Variants in CRLS1 observed in about 807,000 individuals in gnomAD.
CRLS1 encodes cardiolipin synthase 1.
A neutral mutation model predicts 37.0 loss-of-function variants in CRLS1; 24 were observed. The observed-to-expected ratio is 0.65, with a 90% CI of 0.47 to 0.91. The LOEUF (loss-of-function observed/expected upper bound fraction) is 0.91. Among genes scored for constraint, CRLS1 ranks in the 40% least tolerant of loss-of-function variants. The probability of loss-of-function intolerance (pLI) is 0.00; values close to 1 mark genes in which losing one functional copy is unlikely to be tolerated. For missense variants in CRLS1, 373 were observed against 395.8 expected (o/e 0.94, Z 0.49); for synonymous variants, 135 against 159.7 (o/e 0.85, Z 1.17).
intron 3 of CRLS1, among the ~76,000 whole-genome samples, chr20:6,021,007 C>T (rs1979231574): frequency 6.6e-6 from 1 of 150,902 alleles, no homozygotes; most frequent in Non-Finnish European, 1.5e-5. Flanking sequence ...GTTAGAGTTT[C>T]CTACTGTATG....
intron 1 of CRLS1, 177 bp downstream of exon 1, chr20:6,006,729 G>C (rs1255593460): frequency 1.0e-6 from 1 of 985,216 alleles, no homozygotes; most frequent in Non-Finnish European, 1.2e-6. Context: ...AGGGTCACCA[G>C]CGGGGTCCAC....
At chr20:6,017,429 G>A (rs1179798447) in intron 3 of CRLS1, among the ~76,000 whole-genome samples, 2 of 152,136 alleles carry the variant, frequency 1.3e-5, no homozygotes, top group African/African-American at 4.8e-5. Flanking sequence ...ATTTTCTAAT[G>A]CTTATATGGC....
In CRLS1 at chr20:6,039,661, A is replaced by AAAT. The variant is rs377738837; in HGVS notation, c.*2505_*2507dup. ...GTACTGTACATGTGACCTTATTTGGAAATAGGGTCTTTTTAGATGCAGTCA... is the reference window on the plus strand; with the variant it reads ...GTACTGTACATGTGACCTTATTTGGAAATAATAGGGTCTTTTTAGATGCAGTCA... On this transcript the variant is annotated 3_prime_UTR_variant, in exon 7 of 7. Coordinates refer to ENST00000378863, the MANE Select transcript of CRLS1 (RefSeq NM_019095.6). 2.4e-4 allele frequency: 37 copies of AAAT among 152,186 alleles called. No individual in the cohort carries two copies. The highest frequency in any genetic ancestry group is 8.4e-4 in the African/African-American group (35 of 41,520). 9.4% of individuals were successfully genotyped at this position (152,186 alleles called of 1,614,324 possible).
chr20:6,027,082 ATTTT>A (rs11361547), intron 3 of CRLS1, among the ~76,000 whole-genome samples: 23 of 128,464 alleles, frequency 1.8e-4, no homozygotes, highest in African/African-American at 6.3e-4. Context: ...TGGAAATTGA[ATTTT>A]TTTTTTTTTT....
intron 3 of CRLS1, among the ~76,000 whole-genome samples, chr20:6,020,197 A>G (rs1600368976): frequency 6.6e-6 from 1 of 152,174 alleles, no homozygotes; most frequent in Non-Finnish European, 1.5e-5. Context: ...TGAGCAGTGC[A>G]GCTATAAGTG....
chr20:6,035,262 A>G (rs1376351336), intron 6 of CRLS1, among the ~76,000 whole-genome samples: 1 of 152,178 alleles, frequency 6.6e-6, no homozygotes, highest in African/African-American at 2.4e-5. Context: ...TTAAGTGTAC[A>G]TTTATCCCAG....
chr20:6,036,385 G>A (rs867273226), intron 6 of CRLS1, among the ~76,000 whole-genome samples: 25 of 152,200 alleles, frequency 1.6e-4, no homozygotes, highest in African/African-American at 6.0e-4. Context: ...GCAGAAGTGC[G>A]TGGGCGCACT....
chr20:6,026,670 A>G (rs1385044180), intron 3 of CRLS1, among the ~76,000 whole-genome samples: 1 of 152,136 alleles, frequency 6.6e-6, no homozygotes, highest in Non-Finnish European at 1.5e-5. Context: ...TGAAAAGTTC[A>G]TTGGGAGCTC....
intron 1 of CRLS1, among the ~76,000 whole-genome samples, chr20:6,009,549 G>A (rs1169936657): frequency 6.6e-6 from 1 of 152,140 alleles, no homozygotes; most frequent in Non-Finnish European, 1.5e-5. Flanking sequence ...TTATAGGCGT[G>A]AGCCATCATG....
intron 1 of CRLS1, among the ~76,000 whole-genome samples, chr20:6,008,245 G>T (rs2090086178): frequency 6.6e-6 from 1 of 152,058 alleles, no homozygotes; most frequent in African/African-American, 2.4e-5. Context: ...TAAGAAAGAG[G>T]TTAAAAGGGG....
rs1015748962 is a variant in CRLS1 at position 6,014,613 on chromosome 20, C to T, written c.445-748C>T. ...TTTTGTGGCCCCAGAGTGGCCAGAC[C>T]GCTCCCTTCTCAAGTTAGGATGGAG... On this transcript the variant is annotated intron_variant, in intron 2 of 6. Transcript: ENST00000378863. 2.0e-5 allele frequency among the ~76,000 whole-genome samples: 3 copies of T among 152,074 alleles called. No homozygotes were observed. The South Asian group carries it at 6.2e-4, about 32-fold the overall frequency.
chr20:6,035,008 T>A (rs1192001722), intron 6 of CRLS1, among the ~76,000 whole-genome samples: 1 of 152,204 alleles, frequency 6.6e-6, no homozygotes. Flanking sequence ...GAGAGGAGTT[T>A]GAATTTTATT....
At chr20:6,021,702 A>G (rs17221851) in intron 3 of CRLS1, among the ~76,000 whole-genome samples, 15,599 of 152,184 alleles carry the variant, frequency 0.1, 964 homozygotes, top group Non-Finnish European at 0.14. Context: ...TAACCCATTA[A>G]TATTTATTGT....
At position 6,037,223 on chromosome 20, in the gene CRLS1, A is replaced by G; in HGVS notation, c.*65A>G. 1 of 1,202,024 alleles carries G rather than the reference A, an allele frequency of 8.3e-7. No individual in the cohort carries two copies. Among genetic ancestry groups the G allele is most frequent in the Non-Finnish European group, 1.2e-6 (1 of 828,240 alleles). The allele number at this position is 1,202,024 out of a possible 1,614,324, so 74.5% of individuals were successfully genotyped here. On this transcript the variant is annotated 3_prime_UTR_variant, in exon 7 of 7. Coordinates refer to ENST00000378863, the MANE Select transcript of CRLS1 (RefSeq NM_019095.6). ...ATCAATGGGAACAGGGCCCATGGAA[A>G]TGTACAGGAGTTTCCCTATTTTGGT... is the stretch of plus-strand genomic sequence containing the variant.
intron 3 of CRLS1, among the ~76,000 whole-genome samples, chr20:6,025,758 T>TA (rs1205766447): frequency 6.6e-6 from 1 of 152,174 alleles, no homozygotes; most frequent in East Asian, 1.9e-4. Flanking sequence ...AAGAAGTTGA[T>TA]TCCAACCCAC....
At chr20:6,036,638 T>C (rs1288549794) in intron 6 of CRLS1, among the ~76,000 whole-genome samples, 1 of 152,220 alleles carries the variant, frequency 6.6e-6, no homozygotes. Context: ...CATAGTTCTG[T>C]GATAAGCCCT....
intron 5 of CRLS1, among the ~76,000 whole-genome samples, chr20:6,034,054 G>A (rs1325031820): frequency 1.3e-5 from 2 of 152,200 alleles, no homozygotes; most frequent in Non-Finnish European, 2.9e-5. Flanking sequence ...TGGTTCTGTT[G>A]TCTGCTGTGA....
chr20:6,027,743 G>A (rs1014539584), intron 3 of CRLS1, among the ~76,000 whole-genome samples: 1 of 152,162 alleles, frequency 6.6e-6, no homozygotes, highest in Non-Finnish European at 1.5e-5. Flanking sequence ...GCATTTTCAT[G>A]TGTCTTGAAA....
chr20:6,019,351 G>A (rs906062067), intron 3 of CRLS1, among the ~76,000 whole-genome samples: 5 of 151,944 alleles, frequency 3.3e-5, no homozygotes, highest in Admixed American at 2.0e-4. Flanking sequence ...TGTATCATAC[G>A]GTGTTTATGG....
Sources: gnomAD v4.1 joint callset for allele counts (sites outside exome capture counted in the v4.1 genomes callset) on GRCh38, gnomAD v4.1.1 for gene constraint, MANE v1.5 for transcripts, NCBI Gene and HGNC (gene_info 2026-07-23, HGNC 2026-07-21) for gene names.